PIEZO1: variants seen among roughly 807,000 people sequenced by gnomAD.
PIEZO1 encodes piezo-type mechanosensitive ion channel component 1.
PIEZO1 carries 296 observed loss-of-function variants against 297.2 expected under a neutral mutation model. The ratio of observed to expected loss-of-function variants is 1.00; its 90% CI spans 0.91 to 1.10. PIEZO1 has a LOEUF of 1.10. PIEZO1 is among the 50% of genes least tolerant of loss of function. The pLI is 0.00. For missense variants in PIEZO1, 5,018 were observed against 3,455.5 expected (o/e 1.45, Z -11.34); for synonymous variants, 2,427 against 1,507.5 (o/e 1.61, Z -14.13).
chr16:88,723,637 G>T (rs537265524), intron 31 of PIEZO1, among the ~76,000 whole-genome samples: 2 of 152,390 alleles, frequency 1.3e-5, no homozygotes, highest in South Asian at 4.1e-4. Flanking sequence ...GCAGCCACCA[G>T]AACCTGGGTG....
chr16:88,761,339 A>G (rs1480006151), intron 1 of PIEZO1, among the ~76,000 whole-genome samples: 1 of 152,200 alleles, frequency 6.6e-6, no homozygotes. Context: ...GGTGGGTGGA[A>G]CAGTGGCACC....
chr16:88,731,959 A>AT (rs1482630762), intron 21 of PIEZO1, 49 bp from the exon 22 acceptor site: 11 of 64,648 alleles, frequency 1.7e-4, no homozygotes, highest in South Asian at 3.9e-4. Context: ...GTCTGGGGGG[A>AT]GGGACTTTCT....
chr16:88,753,596 G>C (rs1906508704), intron 1 of PIEZO1, among the ~76,000 whole-genome samples: 1 of 152,104 alleles, frequency 6.6e-6, no homozygotes, highest in Non-Finnish European at 1.5e-5. Context: ...TTTTCAGATG[G>C]GATGGGCTCT....
At position 88,742,291 on chromosome 16, in the gene PIEZO1, G is replaced by A; in HGVS notation, c.283+9C>T. 3 of 1,529,952 alleles carry A rather than the reference G, an allele frequency of 2.0e-6. No individual in the cohort carries two copies. The highest frequency in any genetic ancestry group is 1.7e-6 in the Non-Finnish European group (2 of 1,143,314). 94.8% of individuals were successfully genotyped at this position (1,529,952 alleles called of 1,614,324 possible). On this transcript the variant is annotated intron_variant, in intron 3 of 50. Coordinates refer to ENST00000301015, the MANE Select transcript of PIEZO1 (RefSeq NM_001142864.4). ...TGGCTATCCCTACCCCGCCCCCTCA[G>A]CGACTCACAGCTGGGTCCCAGGAGC... is the stretch of plus-strand genomic sequence containing the variant.
intron 27 of PIEZO1, 72 bp from the exon 28 acceptor site, chr16:88,725,756 C>T (rs954213293): frequency 1.5e-5 from 12 of 812,422 alleles, no homozygotes; most frequent in South Asian, 6.0e-5. Context: ...CGCCGCTCCC[C>T]GCTCAGCCCG....
intron 1 of PIEZO1, among the ~76,000 whole-genome samples, chr16:88,773,736 A>C (rs1448649338): frequency 6.6e-6 from 1 of 150,638 alleles, no homozygotes; most frequent in African/African-American, 2.5e-5. Flanking sequence ...GGTGACAGGC[A>C]GGTCGGCGGA....
At position 88,722,911 on chromosome 16, in the gene PIEZO1, A is replaced by T. The variant is rs1361064442; in HGVS notation, c.4594T>A (p.Phe1532Ile). The change falls in exon 34 of 51, where the codon TTC becomes ATC. Residue 1532 changes from phenylalanine (F) to isoleucine (I), a missense_variant. By Grantham distance (21) the Phe-to-Ile change is conservative. Coordinates refer to ENST00000301015, the MANE Select transcript of PIEZO1 (RefSeq NM_001142864.4). ...CTCATGGTGCCGTGGTGCCGGGTGAACTCCTGCAGCCAGCGTGTCAGCTCA... is the reference window on the plus strand; with the variant it reads ...CTCATGGTGCCGTGGTGCCGGGTGATCTCCTGCAGCCAGCGTGTCAGCTCA... Reference protein sequence around the residue: ...VDELTRWLQEFTRHHGTMSDV... With the variant: ...VDELTRWLQEITRHHGTMSDV... The T allele has an allele frequency of 6.5e-7, 1 of 1,548,936 alleles. No individual in the cohort carries two copies. Among genetic ancestry groups the T allele is most frequent in the Admixed American group, 2.0e-5 (1 of 50,982 alleles).
Position 88,725,526 on chromosome 16 carries a change from TGG to T in PIEZO1, c.4059-9_4059-8del, listed in dbSNP as rs2142781286. The T allele has an allele frequency of 2.0e-6, 3 of 1,533,370 alleles. No individual in the cohort carries two copies. The highest frequency in any genetic ancestry group is 2.6e-6 in the Non-Finnish European group (3 of 1,135,980). 95.0% of individuals were successfully genotyped at this position (1,533,370 alleles called of 1,614,324 possible). A position where few individuals can be genotyped will look rare whatever the true frequency, so the allele number is the denominator to read the frequency against. On this transcript the variant is annotated splice_polypyrimidine_tract_variant and splice_region_variant and intron_variant, in intron 28 of 50. Coordinates refer to ENST00000301015, the MANE Select transcript of PIEZO1 (RefSeq NM_001142864.4). ...GGCACGGATACGCTCCATCCTGTGGTGGGGAAAGGTGGGGTATGCTGAGCATT... is the reference window on the plus strand; with the variant it reads ...GGCACGGATACGCTCCATCCTGTGGTGGAAAGGTGGGGTATGCTGAGCATT...
At chr16:88,724,618 C>T (rs1029464029) in intron 30 of PIEZO1, among the ~76,000 whole-genome samples, 16 of 152,168 alleles carry the variant, frequency 1.1e-4, no homozygotes, top group African/African-American at 3.4e-4. Flanking sequence ...CACTTGAACC[C>T]GGGAGGTAGA....
Position 88,726,300 on chromosome 16 carries a change from C to T in PIEZO1, c.3952G>A (p.Ala1318Thr), listed in dbSNP as rs1024186103. 20 of 1,549,020 alleles carry T rather than the reference C, an allele frequency of 1.3e-5. No homozygotes were observed. Among genetic ancestry groups the T allele is most frequent in the South Asian group, 6.0e-5 (5 of 83,924 alleles). ...CAAGCTTGCCTGGAGGCTAGCAGGG[C>T]GGTGGCCTGGAGGTCGGCCCTGACG... is the stretch of plus-strand genomic sequence containing the variant. ...LHVRADLQAT[A>T]LLASRGFALY... The change falls in exon 27 of 51, where the codon GCC (alanine) becomes ACC (threonine). Residue 1318 changes from alanine to threonine, a missense_variant. Coordinates refer to ENST00000301015, the MANE Select transcript of PIEZO1 (RefSeq NM_001142864.4).
chr16:88,721,667 C>G lies in PIEZO1; in HGVS notation c.5274G>C (p.Val1758=), dbSNP rs909412618. 2 of 1,549,900 alleles carry G rather than the reference C, an allele frequency of 1.3e-6. No homozygotes were observed. The highest frequency in any genetic ancestry group is 2.4e-5 in the East Asian group (1 of 40,914). The change falls in exon 38 of 51, where the codon GTG becomes GTC. Residue 1758 remains valine (V), a synonymous_variant. Transcript: ENST00000301015. ...QFGFFPWNSH[V]VLRRYENKPY... is the part of the protein sequence containing the mutation. ...GCTTGTTCTCGTAGCGCCGCAGCACCACGTGGCTGTTCCAGGGGAAGAACC... is the reference window on the plus strand; with the variant it reads ...GCTTGTTCTCGTAGCGCCGCAGCACGACGTGGCTGTTCCAGGGGAAGAACC...
At chr16:88,732,794 G>A in intron 19 of PIEZO1, 62 bp from the exon 20 acceptor site, 2 of 1,450,796 alleles carry the variant, frequency 1.4e-6, no homozygotes, top group Non-Finnish European at 1.8e-6. Context: ...GCCCTGCCCG[G>A]AGCCCACCAC....
intron 1 of PIEZO1, among the ~76,000 whole-genome samples, chr16:88,766,019 C>G (rs150569345): frequency 6.6e-6 from 1 of 152,236 alleles, no homozygotes; most frequent in Non-Finnish European, 1.5e-5. Context: ...GAGGTGCGAC[C>G]AGAGACATCA....
chr16:88,743,725 G>A, intron 2 of PIEZO1: 1 of 440,602 alleles, frequency 2.3e-6, no homozygotes, highest in Middle Eastern at 3.4e-4. Context: ...CCGTGAAGCA[G>A]CCCTCACGGA....
chr16:88,764,917 C>T (rs1419611699), intron 1 of PIEZO1, among the ~76,000 whole-genome samples: 1 of 152,162 alleles, frequency 6.6e-6, no homozygotes, highest in Non-Finnish European at 1.5e-5. Flanking sequence ...CCCAGAGAGG[C>T]AACAAGGGCT....
intron 19 of PIEZO1, 80 bp from the exon 20 acceptor site, chr16:88,732,812 G>A: frequency 7.2e-7 from 1 of 1,379,876 alleles, no homozygotes; most frequent in South Asian, 1.5e-5. Context: ...CACAGCCACA[G>A]CTCTGGGGCA....
In PIEZO1 at chr16:88,717,044, G is replaced by A; in HGVS notation, c.6639C>T (p.Thr2213=). The A allele has an allele frequency of 6.4e-7, 1 of 1,550,726 alleles. No homozygotes were observed. Among genetic ancestry groups the A allele is most frequent in the Non-Finnish European group, 8.7e-7 (1 of 1,146,984 alleles). The stretch of plus-strand genomic sequence containing the variant: ...TCACCTCATAGCCGCCCAGCTTCAG[G>A]GTGACGGTGACATCGATGGGCTGGT... The part of the protein sequence containing the change: ...VVNQPIDVTV[T]LKLGGYEPLF... Residue 2213 remains threonine, a synonymous_variant, in exon 45 of 51, where the codon ACC becomes ACT. Coordinates refer to ENST00000301015, the MANE Select transcript of PIEZO1 (RefSeq NM_001142864.4).
At chr16:88,767,653 G>A (rs1004863132) in intron 1 of PIEZO1, among the ~76,000 whole-genome samples, 1 of 152,166 alleles carries the variant, frequency 6.6e-6, no homozygotes, top group African/African-American at 2.4e-5. Context: ...CACCTAGGAA[G>A]GCGGAGTCAC....
intron 2 of PIEZO1, chr16:88,745,235 C>T (rs1423630815): frequency 6.6e-6 from 1 of 152,232 alleles, no homozygotes. Flanking sequence ...TGGCAGGACA[C>T]ACCCAGCTCA....
Sources: allele counts gnomAD v4.1 joint callset (sites outside exome capture counted in the v4.1 genomes callset), GRCh38; gene constraint gnomAD v4.1.1; transcripts MANE v1.5; gene names NCBI Gene and HGNC (gene_info 2026-07-23, HGNC 2026-07-21).